The following AJAP1 variants were observed in gnomAD, a reference collection of about 807,000 sequenced individuals.
AJAP1 encodes adherens junction-associated protein 1.
In AJAP1, 5 loss-of-function variants were observed where a neutral mutation model predicts 35.0. The observed-to-expected ratio is 0.14, with a 90% CI of 0.07 to 0.30. The LOEUF is 0.30. Ranked by LOEUF, AJAP1 falls within the 10% of genes least tolerant of loss-of-function variation. The pLI, the probability that AJAP1 is intolerant of heterozygous loss-of-function variation, is 1.00. For synonymous variants in AJAP1, 284 were observed against 249.3 expected (o/e 1.14, Z -1.31); for missense variants, 586 against 571.0 (o/e 1.03, Z -0.27).
At chr1:4,742,607 C>T (rs571714631) in intron 2 of AJAP1, among the ~76,000 whole-genome samples, 12 of 151,952 alleles carry the variant, frequency 7.9e-5, no homozygotes, top group African/African-American at 2.4e-4. Flanking sequence ...TCTCGAAGTT[C>T]GAAATTTTTT....
intron 1 of AJAP1, among the ~76,000 whole-genome samples, chr1:4,684,333 G>A (rs1174275554): frequency 1.3e-5 from 2 of 152,108 alleles, no homozygotes; most frequent in Non-Finnish European, 2.9e-5. Context: ...GGGAGGAGGA[G>A]GCCATGAGGC....
intron 1 of AJAP1, among the ~76,000 whole-genome samples, chr1:4,659,592 G>A (rs1487158198): frequency 1.3e-5 from 2 of 152,156 alleles, no homozygotes; most frequent in African/African-American, 4.8e-5. Context: ...GGTGGCCCTT[G>A]GGCGTGTCCC....
intron 1 of AJAP1, among the ~76,000 whole-genome samples, chr1:4,702,600 A>G (rs796311306): frequency 6.6e-5 from 10 of 152,264 alleles, no homozygotes; most frequent in African/African-American, 1.7e-4. Flanking sequence ...GACCGCTGTC[A>G]TGGTCCCTTC....
chr1:4,746,463 T>A (rs1466179804), intron 2 of AJAP1, among the ~76,000 whole-genome samples: 1 of 152,038 alleles, frequency 6.6e-6, no homozygotes, highest in Non-Finnish European at 1.5e-5. Flanking sequence ...CCTTGTGAGA[T>A]GATTACTGTA....
chr1:4,770,153 T>G (rs1381586144), intron 3 of AJAP1, among the ~76,000 whole-genome samples: 1 of 152,214 alleles, frequency 6.6e-6, no homozygotes. Flanking sequence ...GAGCCCAGCC[T>G]TTGTGACAGA....
At chr1:4,760,201 G>A (rs1282640184) in intron 2 of AJAP1, among the ~76,000 whole-genome samples, 1 of 151,722 alleles carries the variant, frequency 6.6e-6, no homozygotes, top group Non-Finnish European at 1.5e-5. Context: ...CTGTGTGTGT[G>A]TGCATGTGTG....
At chr1:4,735,098 G>A (rs1442586193) in intron 2 of AJAP1, among the ~76,000 whole-genome samples, 1 of 152,224 alleles carries the variant, frequency 6.6e-6, no homozygotes, top group Non-Finnish European at 1.5e-5. Flanking sequence ...GGGTAGAGGG[G>A]CTTCTCTTCT....
chr1:4,736,084 A>G (rs1640917216), intron 2 of AJAP1, among the ~76,000 whole-genome samples: 1 of 152,220 alleles, frequency 6.6e-6, no homozygotes, highest in Non-Finnish European at 1.5e-5. Context: ...CCAACCTCCC[A>G]GGGTTGTCAG....
intron 1 of AJAP1, among the ~76,000 whole-genome samples, chr1:4,710,055 C>T (rs1640192130): frequency 6.6e-6 from 1 of 152,146 alleles, no homozygotes; most frequent in Non-Finnish European, 1.5e-5. Context: ...CACACACAGA[C>T]ACACTCACAC....
intron 2 of AJAP1, among the ~76,000 whole-genome samples, chr1:4,732,275 G>A (rs773569769): frequency 1.3e-5 from 2 of 152,260 alleles, no homozygotes; most frequent in Non-Finnish European, 2.9e-5. Flanking sequence ...AGTCTACTGT[G>A]CTGATGAGGC....
At chr1:4,713,338 G>T (rs903676581) in intron 2 of AJAP1, among the ~76,000 whole-genome samples, 2 of 152,246 alleles carry the variant, frequency 1.3e-5, no homozygotes, top group Admixed American at 6.5e-5. Context: ...GGATGTGTCA[G>T]GAGGGTGTTT....
chr1:4,711,834 C>T (rs931266640), intron 1 of AJAP1, 66 bp from the exon 2 acceptor site: 24 of 1,297,366 alleles, frequency 1.8e-5, no homozygotes, highest in African/African-American at 1.4e-4. Context: ...AGAGAGAGGG[C>T]CCCGGGGCCC....
intron 2 of AJAP1, among the ~76,000 whole-genome samples, chr1:4,728,310 G>C (rs537809581): frequency 4.6e-5 from 7 of 152,272 alleles, no homozygotes; most frequent in Admixed American, 2.0e-4. Context: ...TGAGCACGGG[G>C]CCCTTCCGAT....
chr1:4,690,000 AC>A (rs1011664386), intron 1 of AJAP1, among the ~76,000 whole-genome samples: 1 of 149,810 alleles, frequency 6.7e-6, no homozygotes, highest in Non-Finnish European at 1.5e-5. Context: ...CCCGGTTGAG[AC>A]CCCCCCAGCC....
intron 1 of AJAP1, among the ~76,000 whole-genome samples, chr1:4,688,543 C>T (rs1463127192): frequency 2.0e-5 from 3 of 152,004 alleles, no homozygotes; most frequent in Admixed American, 6.6e-5. Flanking sequence ...GAGGCCGAGG[C>T]AGGCGGATCA....
rs754972840 is a variant in AJAP1 at position 4,785,988 on chromosome 1, C to T, written c.*3503C>T. ...GACAAAGTCGCTGCTAGTCTTCACACGCTTGATGTCACTTTGTCTGATTGG... is the reference window on the plus strand; with the variant it reads ...GACAAAGTCGCTGCTAGTCTTCACATGCTTGATGTCACTTTGTCTGATTGG... On this transcript the variant is annotated 3_prime_UTR_variant, in exon 6 of 6. Transcript: ENST00000378191. 6 of 152,198 alleles carry T rather than the reference C, an allele frequency of 3.9e-5. No individual in the cohort carries two copies. Among genetic ancestry groups the T allele is most frequent in the East Asian group, 1.9e-4 (1 of 5,198 alleles). 9.4% of individuals were successfully genotyped at this position (152,198 alleles called of 1,614,324 possible). A position where few individuals can be genotyped will look rare whatever the true frequency, so the allele number is the denominator to read the frequency against.
chr1:4,656,651 T>G lies in AJAP1; in HGVS notation c.29+1197T>G, dbSNP rs1347935384. ...ACGCCAAGTGTTTTCTAGCGACCCT[T>G]GATTTATGAGCCGATTCTGCTCCCA... On this transcript the variant is annotated intron_variant, in intron 1 of 5. Transcript: ENST00000378191. The surrounding 1 kb of genome is among the most constrained non-coding windows in gnomAD (Gnocchi z 5.7). 2.0e-5 allele frequency among the ~76,000 whole-genome samples: 3 copies of G among 152,102 alleles called. No individual in the cohort carries two copies. Among genetic ancestry groups the G allele is most frequent in the East Asian group, 3.9e-4 (2 of 5,186 alleles).
At chr1:4,716,682 A>AATGGTGGTGATG (rs147699648) in intron 2 of AJAP1, among the ~76,000 whole-genome samples, 10,886 of 150,908 alleles carry the variant, frequency 0.072, 619 homozygotes, top group East Asian at 0.16. Flanking sequence ...TAATGGTGGA[A>AATGGTGGTGATG]ATGGTGGTGA....
chr1:4,680,677 T>C (rs1639462735), intron 1 of AJAP1, among the ~76,000 whole-genome samples: 1 of 152,186 alleles, frequency 6.6e-6, no homozygotes, highest in African/African-American at 2.4e-5. Flanking sequence ...ATGCTGGGCA[T>C]AAATGACTTC....
Sources: allele counts gnomAD v4.1 joint callset (sites outside exome capture counted in the v4.1 genomes callset), GRCh38; gene constraint gnomAD v4.1.1; non-coding constraint Gnocchi (gnomAD v3.1); transcripts MANE v1.5; gene names NCBI Gene and HGNC (gene_info 2026-07-23, HGNC 2026-07-21).